SHTN1: variants seen among roughly 807,000 people sequenced by gnomAD.
The protein encoded by SHTN1 is shootin 1, also known as shootin-1.
Under a neutral mutation model 83.1 loss-of-function variants are expected in SHTN1, and 42 were observed. That is an observed-to-expected ratio of 0.51 (90% CI 0.39 to 0.65). The LOEUF (loss-of-function observed/expected upper bound fraction) is 0.65. Ranked by LOEUF, SHTN1 falls within the 30% of genes least tolerant of loss-of-function variation. SHTN1 has a pLI of 0.00. For synonymous variants in SHTN1, 224 were observed against 247.7 expected (o/e 0.90, Z 0.90); for missense variants, 622 against 737.8 (o/e 0.84, Z 1.82).
intron 2 of SHTN1, among the ~76,000 whole-genome samples, chr10:117,032,694 A>G (rs1474746696): frequency 2.0e-5 from 3 of 152,188 alleles, no homozygotes; most frequent in Non-Finnish European, 2.9e-5. Context: ...TGTAGACCCA[A>G]TGGATATTTA....
chr10:116,893,904 A>G (rs1193738350), intron 16 of SHTN1, among the ~76,000 whole-genome samples: 6 of 152,208 alleles, frequency 3.9e-5, no homozygotes, highest in Non-Finnish European at 7.3e-5. Flanking sequence ...TAGAGAAAGT[A>G]AACAAAATAA....
chr10:116,885,720 T>C lies in SHTN1; in HGVS notation c.*624A>G, dbSNP rs1847145292. The C allele has an allele frequency of 6.6e-6, 1 of 152,462 alleles. No homozygotes were observed. Among genetic ancestry groups the C allele is most frequent in the African/African-American group, 2.4e-5 (1 of 41,472 alleles). 9.4% of individuals were successfully genotyped at this position (152,462 alleles called of 1,614,324 possible). A position where few individuals can be genotyped will look rare whatever the true frequency, so the allele number is the denominator to read the frequency against. Reference sequence around the variant, plus strand: ...CCCCACGGAGGTCCTCGGGAGGCTTTGGACACAATCAATAGCATGTATTTT... The same window carrying C: ...CCCCACGGAGGTCCTCGGGAGGCTTCGGACACAATCAATAGCATGTATTTT... On this transcript the variant is annotated 3_prime_UTR_variant, in exon 17 of 17. Transcript: ENST00000355371.
chr10:116,883,987 A>G lies in SHTN1; in HGVS notation c.*2357T>C, dbSNP rs2133290536. On this transcript the variant is annotated 3_prime_UTR_variant, in exon 17 of 17. Transcript: ENST00000355371. ...CAAAGTACCTCTATCTCTGTTCCTC[A>G]CTCGGGCTATAAAATGCATCAACAT... 8.8e-6 allele frequency: 2 copies of G among 226,478 alleles called. No homozygotes were observed. The highest frequency in any genetic ancestry group is 9.1e-5 in the South Asian group (2 of 22,064). 14.0% of individuals were successfully genotyped at this position (226,478 alleles called of 1,614,324 possible). A position where few individuals can be genotyped will look rare whatever the true frequency, so the allele number is the denominator to read the frequency against.
At chr10:116,950,111 T>A (rs145994485) in intron 6 of SHTN1, among the ~76,000 whole-genome samples, 1 of 152,330 alleles carries the variant, frequency 6.6e-6, no homozygotes, top group East Asian at 1.9e-4. Context: ...AGGGCTTTCA[T>A]CACCATGCTA....
intron 2 of SHTN1, among the ~76,000 whole-genome samples, chr10:117,015,883 C>T (rs992850392): frequency 2.6e-5 from 4 of 152,154 alleles, no homozygotes; most frequent in Non-Finnish European, 5.9e-5. Flanking sequence ...TTTGTTTTCA[C>T]GGTATTGTTC....
intron 2 of SHTN1, among the ~76,000 whole-genome samples, chr10:117,036,118 T>C (rs1340544417): frequency 6.6e-6 from 1 of 152,046 alleles, no homozygotes; most frequent in Admixed American, 6.6e-5. Context: ...ATGGCTTTTA[T>C]CCAAAGGGGA....
chr10:116,912,479 G>T (rs1414384771), intron 13 of SHTN1, among the ~76,000 whole-genome samples: 1 of 152,212 alleles, frequency 6.6e-6, no homozygotes, highest in African/African-American at 2.4e-5. Flanking sequence ...ATCTTGGAAG[G>T]AAAGTCAGGC....
At position 116,884,363 on chromosome 10, in the gene SHTN1, G is replaced by T. The variant is rs1327544058; in HGVS notation, c.*1981C>A. 1 of 417,792 alleles carries T rather than the reference G, an allele frequency of 2.4e-6. No homozygotes were observed. The highest frequency in any genetic ancestry group is 7.4e-5 in the East Asian group (1 of 13,472). The allele number at this position is 417,792 out of a possible 1,614,324, so 25.9% of individuals were successfully genotyped here. A position where few individuals can be genotyped will look rare whatever the true frequency, so the allele number is the denominator to read the frequency against. On this transcript the variant is annotated 3_prime_UTR_variant, in exon 17 of 17. Coordinates refer to ENST00000355371, the MANE Select transcript of SHTN1 (RefSeq NM_001127211.3). The stretch of plus-strand genomic sequence containing the variant: ...AATATCTTCCATCAAATACCTTCAT[G>T]TCAAATTAATTTAAAATGCTTTGTA...
chr10:117,065,133 A>T (rs182126943), intron 1 of SHTN1, among the ~76,000 whole-genome samples: 1 of 152,252 alleles, frequency 6.6e-6, no homozygotes, highest in Admixed American at 6.5e-5. Flanking sequence ...AGGGAAGGGA[A>T]CATCACACAC....
At chr10:117,112,653 G>C (rs1277070408) in intron 1 of SHTN1, among the ~76,000 whole-genome samples, 4 of 152,092 alleles carry the variant, frequency 2.6e-5, no homozygotes, top group Admixed American at 2.0e-4. Flanking sequence ...AATAGAACTG[G>C]GACAACTAGA....
chr10:116,949,894 A>G (rs1286100611), intron 6 of SHTN1, among the ~76,000 whole-genome samples: 1 of 152,206 alleles, frequency 6.6e-6, no homozygotes, highest in Non-Finnish European at 1.5e-5. Context: ...AAGTAAAGCT[A>G]CATATATCAA....
Position 116,898,495 on chromosome 10 carries a change from G to A in SHTN1, c.1673+3270C>T, listed in dbSNP as rs1425037030. The stretch of plus-strand genomic sequence containing the variant: ...AAGAGGTTTGCACTTAATGTGCCTG[G>A]TCAGCCCTTTACCTCTTATAGCATA... On this transcript the variant is annotated intron_variant, in intron 16 of 16. Transcript: ENST00000355371. 2.6e-5 allele frequency among the ~76,000 whole-genome samples: 4 copies of A among 152,112 alleles called. No homozygotes were observed. In the East Asian group the frequency reaches 7.7e-4, roughly 29 times the overall value.
chr10:116,975,014 T>A (rs1850748125), intron 2 of SHTN1, among the ~76,000 whole-genome samples: 1 of 152,164 alleles, frequency 6.6e-6, no homozygotes, highest in African/African-American at 2.4e-5. Flanking sequence ...CCCAAAAATA[T>A]AAATTTGAAG....
chr10:116,909,223 C>T (rs909253050), intron 14 of SHTN1, among the ~76,000 whole-genome samples: 9 of 152,248 alleles, frequency 5.9e-5, no homozygotes, highest in African/African-American at 2.2e-4. Context: ...CAAACCAATA[C>T]TCTTTTTCTA....
intron 1 of SHTN1, among the ~76,000 whole-genome samples, chr10:117,122,416 C>T (rs1446170346): frequency 1.3e-5 from 2 of 152,082 alleles, no homozygotes; most frequent in East Asian, 1.9e-4. Context: ...TGGGCTCAAG[C>T]GATCCTCTCA....
At chr10:116,905,573 A>G (rs184306353) in intron 15 of SHTN1, among the ~76,000 whole-genome samples, 1 of 152,182 alleles carries the variant, frequency 6.6e-6, no homozygotes, top group Non-Finnish European at 1.5e-5. Flanking sequence ...CAAGGAATCA[A>G]TTTACTCAAT....
intron 16 of SHTN1, among the ~76,000 whole-genome samples, chr10:116,899,660 G>A (rs182977703): frequency 2.0e-5 from 3 of 152,144 alleles, no homozygotes; most frequent in South Asian, 2.1e-4. Flanking sequence ...CGCCACTCAC[G>A]TGAAACACTA....
rs1847071116 is a variant in SHTN1 at position 116,883,182 on chromosome 10, T to G, written c.*3162A>C. 1 of 152,220 alleles carries G rather than the reference T, an allele frequency of 6.6e-6. No homozygotes were observed. Among genetic ancestry groups the G allele is most frequent in the Admixed American group, 6.5e-5 (1 of 15,284 alleles). 9.4% of individuals were successfully genotyped at this position (152,220 alleles called of 1,614,324 possible). ...CAGTTTACTCACCTATCCTCGAGACTGCACTCACCAATGGATAATTAGCAT... is the reference window on the plus strand; with the variant it reads ...CAGTTTACTCACCTATCCTCGAGACGGCACTCACCAATGGATAATTAGCAT... On this transcript the variant is annotated 3_prime_UTR_variant, in exon 17 of 17. Transcript: ENST00000355371.
chr10:116,995,206 TC>T (rs2133524005), intron 1 of SHTN1, among the ~76,000 whole-genome samples: 1 of 152,226 alleles, frequency 6.6e-6, no homozygotes, highest in South Asian at 2.1e-4. Context: ...GCAATTATAA[TC>T]CTAAAGTTTT....
Sources: allele counts gnomAD v4.1 joint callset (sites outside exome capture counted in the v4.1 genomes callset), GRCh38; gene constraint gnomAD v4.1.1; transcripts MANE v1.5; gene names NCBI Gene and HGNC (gene_info 2026-07-23, HGNC 2026-07-21).